The following MAGED1 variants were observed in gnomAD, a reference collection of about 807,000 sequenced individuals.
MAGED1 encodes the protein melanoma-associated antigen D1.
Under a neutral mutation model 54.1 loss-of-function variants are expected in MAGED1, and 3 were observed. The observed-to-expected ratio is 0.06, with a 90% CI of 0.03 to 0.14. The LOEUF (loss-of-function observed/expected upper bound fraction) is 0.14, where lower values mean the gene tolerates loss of function less well. MAGED1 is among the 10% of genes least tolerant of loss of function. MAGED1 has a pLI of 1.00. For missense variants in MAGED1, 485 were observed against 623.4 expected (o/e 0.78, Z 2.36); for synonymous variants, 217 against 227.3 (o/e 0.95, Z 0.41).
At chrX:51,841,114 A>C (rs1467320716) in intron 1 of MAGED1, among the ~76,000 whole-genome samples, 39 of 102,958 alleles carry the variant, frequency 3.8e-4, no homozygotes, top group African/African-American at 1.3e-3. Context: ...CTGACTTTTT[A>C]ATGATCGCCA....
At chrX:51,861,808 A>C (rs1023586309) in intron 1 of MAGED1, among the ~76,000 whole-genome samples, 43 of 111,076 alleles carry the variant, frequency 3.9e-4, no homozygotes, top group African/African-American at 1.3e-3. Flanking sequence ...CTCAGCCTCC[A>C]GGCAGCTGGG....
chrX:51,856,218 A>G (rs1557360175), intron 1 of MAGED1, among the ~76,000 whole-genome samples: 4 of 112,425 alleles, frequency 3.6e-5, no homozygotes. Flanking sequence ...AAATGCTTCC[A>G]TAAGTAGTTT....
Position 51,896,949 on chromosome X carries a change from G to C in MAGED1, c.1294G>C (p.Asp432His). ...ACTACCACCTGACTGGATCCCCGCT[G>C]ATTGGCCAATTCCACCTGACTGGCA... The part of the protein sequence containing the change: ...WPLPPDWIPA[D>H]WPIPPDWQNL... Residue 432 changes from aspartate (D) to histidine (H), a missense_variant, in exon 4 of 13, where the codon GAT becomes CAT. By Grantham distance (81) the Asp-to-His change is moderately conservative. This residue lies in a region of MAGED1 where 186 missense variants were observed against 330.3 expected (regional missense o/e 0.56). Coordinates refer to ENST00000326587, the MANE Select transcript of MAGED1 (RefSeq NM_006986.4). 8.3e-7 allele frequency: 1 copy of C among 1,210,323 alleles called. No homozygotes were observed. The highest frequency in any genetic ancestry group is 1.1e-6 in the Non-Finnish European group (1 of 894,891).
At chrX:51,853,079 T>C (rs1926955183) in intron 1 of MAGED1, among the ~76,000 whole-genome samples, 1 of 111,333 alleles carries the variant, frequency 9.0e-6, no homozygotes, top group African/African-American at 3.3e-5. Flanking sequence ...TAATTTCGTC[T>C]TACCTGTCTT....
chrX:51,870,904 A>T (rs1403134584), intron 1 of MAGED1: 8 of 112,789 alleles, frequency 7.1e-5, no homozygotes, highest in Admixed American at 2.8e-4. Flanking sequence ...ACCTCATGTT[A>T]TAGAGGAATG....
chrX:51,805,779 G>GCATCCATC lies in MAGED1; in HGVS notation c.-37+2676_-37+2683dup, dbSNP rs1254330656. ...TCTATTACTCACTCTCTTTCTCCAT[G>GCATCCATC]CATCCATCCATCCATCCATCCGTCC... On this transcript the variant is annotated intron_variant, in intron 1 of 12. Coordinates refer to the MAGED1 transcript ENST00000375772. Among the ~76,000 whole-genome samples, 4 of 108,092 alleles carry GCATCCATC rather than the reference G, an allele frequency of 3.7e-5. No homozygotes were observed. In the East Asian group the frequency reaches 8.8e-4, roughly 24 times the overall value. The allele number at this position is 108,092 out of a possible 115,157, so 93.9% of individuals were successfully genotyped here.
chrX:51,846,544 G>A (rs1428348509), intron 1 of MAGED1, among the ~76,000 whole-genome samples: 2 of 111,631 alleles, frequency 1.8e-5, no homozygotes, highest in African/African-American at 3.3e-5. Flanking sequence ...GTTCATTCTC[G>A]CACTGGTATA....
intron 1 of MAGED1, among the ~76,000 whole-genome samples, chrX:51,866,721 ACTC>A (rs1409462391): frequency 1.8e-5 from 2 of 111,614 alleles, no homozygotes; most frequent in African/African-American, 6.5e-5. Flanking sequence ...GTGTTTTTCT[ACTC>A]CTGATTAATT....
At position 51,803,303 on chromosome X, in the gene MAGED1, TG is replaced by T. The variant is rs1191033584; in HGVS notation, c.-37+192del. On this transcript the variant is annotated intron_variant, in intron 1 of 12. Coordinates refer to the MAGED1 transcript ENST00000375772. Reference sequence around the variant, plus strand: ...TATCTCCTCCCTTCTCCTCCGGAGATGGGGGGCCCGCTCCTGCCTCACCTCC... The same window carrying T: ...TATCTCCTCCCTTCTCCTCCGGAGATGGGGGCCCGCTCCTGCCTCACCTCC... Among the ~76,000 whole-genome samples, 3 of 110,604 alleles carry T rather than the reference TG, an allele frequency of 2.7e-5. No homozygotes were observed. In the Admixed American group the frequency reaches 2.9e-4, roughly 11 times the overall value.
At chrX:51,844,949 G>A (rs892940183) in intron 1 of MAGED1, among the ~76,000 whole-genome samples, 6 of 111,458 alleles carry the variant, frequency 5.4e-5, no homozygotes, top group Non-Finnish European at 1.1e-4. Flanking sequence ...ATATTTAGCA[G>A]TAGGCTGGGC....
At chrX:51,890,034 G>A (rs1284883095), upstream of MAGED1, among the ~76,000 whole-genome samples, 2 of 112,375 alleles carry the variant, frequency 1.8e-5, no homozygotes, top group Non-Finnish European at 3.8e-5. Flanking sequence ...GGCCCACACT[G>A]GATAGTTTGT....
intron 2 of MAGED1, chrX:51,894,651 T>C: frequency 8.4e-7 from 1 of 1,192,859 alleles, no homozygotes. Context: ...TAGAGCAGTC[T>C]GTCACCCCCT....
At chrX:51,804,872 G>C (rs1197393038) in intron 1 of MAGED1, among the ~76,000 whole-genome samples, 2 of 111,556 alleles carry the variant, frequency 1.8e-5, no homozygotes, top group Admixed American at 1.9e-4. Context: ...GATATTAATG[G>C]GAAAACAGGA....
intron 1 of MAGED1, among the ~76,000 whole-genome samples, chrX:51,815,580 C>T (rs1482989668): frequency 9.3e-6 from 1 of 107,245 alleles, no homozygotes; most frequent in African/African-American, 3.4e-5. Flanking sequence ...TGGAGTGCAA[C>T]GGTGCAATCT....
At chrX:51,822,635 T>A (rs1452810462) in intron 1 of MAGED1, among the ~76,000 whole-genome samples, 1 of 111,041 alleles carries the variant, frequency 9.0e-6, no homozygotes, top group African/African-American at 3.3e-5. Context: ...TTTAGATCTT[T>A]CTTGTTTTTC....
intron 1 of MAGED1, among the ~76,000 whole-genome samples, chrX:51,840,355 A>T (rs1027084244): frequency 7.2e-5 from 8 of 110,707 alleles, no homozygotes; most frequent in Non-Finnish European, 1.1e-4. Flanking sequence ...CCTCAAAAAA[A>T]TTTTTTCGGA....
chrX:51,827,414 G>C (rs1925892074), intron 1 of MAGED1, among the ~76,000 whole-genome samples: 1 of 112,139 alleles, frequency 8.9e-6, no homozygotes, highest in Non-Finnish European at 1.9e-5. Context: ...CGGAGCACAT[G>C]GGATTTTTAG....
rs145923528 is a variant in MAGED1 at position 51,860,445 on chromosome X, G to T, written c.-36-33824G>T. ...ACTTGGTCACTGACTAGATATAGGG[G>T]GACTGACGGAGAAGAAGGAATCAAG... On this transcript the variant is annotated intron_variant, in intron 1 of 12. Coordinates refer to the MAGED1 transcript ENST00000375772. 7.2e-5 allele frequency among the ~76,000 whole-genome samples: 8 copies of T among 111,339 alleles called. No homozygotes were observed. In the East Asian group the frequency reaches 2.0e-3, roughly 28 times the overall value.
At chrX:51,824,586 C>T (rs1925762174) in intron 1 of MAGED1, among the ~76,000 whole-genome samples, 1 of 109,073 alleles carries the variant, frequency 9.2e-6, no homozygotes, top group South Asian at 3.9e-4. Flanking sequence ...ATGCTTTCAG[C>T]TGTAATTTGT....
Sources: allele counts gnomAD v4.1 joint callset (sites outside exome capture counted in the v4.1 genomes callset), GRCh38; gene constraint gnomAD v4.1.1; regional missense constraint gnomAD v4.1.1; transcripts MANE v1.5; gene names NCBI Gene and HGNC (gene_info 2026-07-23, HGNC 2026-07-21).